The following TTF1 variants were observed in gnomAD, a reference collection of about 807,000 sequenced individuals.
The protein encoded by TTF1 is transcription termination factor 1, also known as transcription termination factor, RNA polymerase I.
A neutral mutation model predicts 80.2 loss-of-function variants in TTF1; 64 were observed. The ratio of observed to expected loss-of-function variants is 0.80; its 90% CI spans 0.65 to 0.98. The LOEUF (loss-of-function observed/expected upper bound fraction) is 0.98, where lower values mean the gene tolerates loss of function less well. Among genes scored for constraint, TTF1 ranks in the 50% least tolerant of loss-of-function variants. The probability of loss-of-function intolerance (pLI) is 0.00; values close to 1 mark genes in which losing one functional copy is unlikely to be tolerated. For synonymous variants in TTF1, 372 were observed against 382.7 expected, an observed-to-expected ratio of 0.97 and a Z score of 0.33; for missense variants, 1,023 against 1,086.2, an observed-to-expected ratio of 0.94 and a Z score of 0.82.
rs115471853 is a variant in TTF1 at position 132,379,002 on chromosome 9, C to A, written c.2464+57G>T. The A allele has an allele frequency of 7.1e-4, 968 of 1,368,740 alleles. 8 individuals are homozygous for A. The African/African-American group carries it at 0.013, about 18-fold the overall frequency. The allele number at this position is 1,368,740 out of a possible 1,614,324, so 84.8% of individuals were successfully genotyped here. A position where few individuals can be genotyped will look rare whatever the true frequency, so the allele number is the denominator to read the frequency against. On this transcript the variant is annotated intron_variant, in intron 10 of 10. Transcript: ENST00000334270. ...TCACCTGCCTAGGTGACTTTCATTACCAGCATGTGGCACCAAATGCCATGT... is the reference window on the plus strand; with the variant it reads ...TCACCTGCCTAGGTGACTTTCATTAACAGCATGTGGCACCAAATGCCATGT...
Position 132,402,571 on chromosome 9 carries a change from T to C in TTF1, c.251A>G (p.Lys84Arg), listed in dbSNP as rs761554875. 1 of 1,614,226 alleles carries C rather than the reference T, an allele frequency of 6.2e-7. No individual in the cohort carries two copies. The highest frequency in any genetic ancestry group is 8.5e-7 in the Non-Finnish European group (1 of 1,180,050). The change falls in exon 2 of 11, where the codon AAA (lysine) becomes AGA (arginine). Residue 84 changes from lysine to arginine, a missense_variant. Coordinates refer to ENST00000334270, the MANE Select transcript of TTF1 (RefSeq NM_007344.4). ...DETANATSTL[K>R]KRKKRRYSAL... is the part of the protein sequence containing the mutation. ...ACTATATCTTCTCTTTTTTCTCTTT[T>C]TGAGTGTGGAAGTGGCATTTGCAGT...
chr9:132,378,122 TGCATGTGGTGTGTGTGAGTGCATGTG>T (rs1849271142), intron 10 of TTF1, among the ~76,000 whole-genome samples: 3 of 94,156 alleles, frequency 3.2e-5, no homozygotes, highest in South Asian at 3.1e-4. Context: ...TGTGAGTGCA[TGCATGTGGTGTGTGTGAGTGCATGTG>T]GTGTGTGTGA....
At chr9:132,385,339 T>C (rs1849441900) in intron 9 of TTF1, among the ~76,000 whole-genome samples, 1 of 152,152 alleles carries the variant, frequency 6.6e-6, no homozygotes, top group South Asian at 2.1e-4. Flanking sequence ...AACCAGAGAA[T>C]TGCTAGTGTT....
chr9:132,404,875 C>T (rs1015389916), intron 1 of TTF1, among the ~76,000 whole-genome samples: 8 of 152,002 alleles, frequency 5.3e-5, no homozygotes, highest in East Asian at 3.9e-4. Flanking sequence ...AGAGCAAAGC[C>T]GATTATTTCT....
intron 6 of TTF1, 54 bp from the exon 7 acceptor site, chr9:132,390,885 C>T: frequency 6.7e-7 from 1 of 1,497,052 alleles, no homozygotes. Context: ...CTTTCAAACA[C>T]AATATTAAAA....
chr9:132,379,908 A>G (rs1431330497), intron 9 of TTF1, among the ~76,000 whole-genome samples: 1 of 152,234 alleles, frequency 6.6e-6, no homozygotes, highest in African/African-American at 2.4e-5. Flanking sequence ...GAACATTAAA[A>G]AACAATTAAC....
In TTF1 at chr9:132,391,337, C is replaced by T. The variant is rs539410884; in HGVS notation, c.1988-506G>A. ...AGTATCAACGGTTCACCCTTCTTCA[C>T]TAGAGACATTCACGGTCACGCTAAG... On this transcript the variant is annotated intron_variant, in intron 6 of 10. Transcript: ENST00000334270. Among the ~76,000 whole-genome samples, 16 of 152,300 alleles carry T rather than the reference C, an allele frequency of 1.1e-4. 1 individual carries two copies. In the South Asian group the frequency reaches 3.1e-3, roughly 30 times the overall value.
rs766541605 is a variant in TTF1, at chr9:132,401,465, C to T, written c.1357G>A (p.Glu453Lys). The T allele has an allele frequency of 1.8e-5, 29 of 1,609,810 alleles. 1 individual carries two copies. In the Middle Eastern group the frequency reaches 4.0e-3, roughly 220 times the overall value. The change falls in exon 2 of 11, where the codon GAG (glutamate) becomes AAG (lysine). Residue 453 changes from glutamate (E) to lysine (K), a missense_variant. By Grantham distance (56) the Glu-to-Lys change is moderately conservative. Coordinates refer to ENST00000334270, the MANE Select transcript of TTF1 (RefSeq NM_007344.4). ...CCACTCCCTCGTTACCTTGGCGCCT[C>T]TTGCACGTGCTTGCTTGCCAAACAG... ...QACLASKHVQ[E>K]APRLEPANEE...
In TTF1 at chr9:132,396,448, T is replaced by C. The variant is rs1564188737; in HGVS notation, c.1841A>G (p.Asn614Ser). ...TTTTTCTTACCTGCCTTTGTAATTGTTGACATCGAACATCTTCTTTGCTCG... is the reference window on the plus strand; with the variant it reads ...TTTTTCTTACCTGCCTTTGTAATTGCTGACATCGAACATCTTCTTTGCTCG... ...YYRAKKMFDV[N>S]NYKGRYSEGD... Residue 614 changes from asparagine to serine, a missense_variant, in exon 5 of 11, where the codon AAC becomes AGC. Physicochemically the swap from Asn to Ser is conservative, Grantham distance 46. Coordinates refer to ENST00000334270, the MANE Select transcript of TTF1 (RefSeq NM_007344.4). 1 of 1,614,236 alleles carries C rather than the reference T, an allele frequency of 6.2e-7. No individual in the cohort carries two copies.
intron 10 of TTF1, among the ~76,000 whole-genome samples, chr9:132,377,654 T>TGTGTGTGAGTGCACGTG (rs1589813613): frequency 1.6e-4 from 1 of 6,346 alleles, no homozygotes; most frequent in East Asian, 5.2e-3. Flanking sequence ...ATGCATGTGG[T>TGTGTGTGAGTGCACGTG]GTGTGTGAGT....
In TTF1 at chr9:132,401,970, A is replaced by G. The variant is rs761159384; in HGVS notation, c.852T>C (p.Asn284=). Residue 284 remains asparagine, a synonymous_variant, in exon 2 of 11, where the codon AAT becomes AAC. Transcript: ENST00000334270. ...TGGCCAATGCCTCAAATTCCTGGTG[A>G]TTGGACTTTTTCTTCTTTTTTTTCT... ...KSKKKKKKKS[N]HQEFEALAMP... The G allele has an allele frequency of 1.2e-6, 2 of 1,613,774 alleles. No individual in the cohort carries two copies. Among genetic ancestry groups the G allele is most frequent in the Non-Finnish European group, 1.7e-6 (2 of 1,179,952 alleles).
At chr9:132,404,946 C>G (rs911111100) in intron 1 of TTF1, among the ~76,000 whole-genome samples, 1 of 151,828 alleles carries the variant, frequency 6.6e-6, no homozygotes, top group African/African-American at 2.4e-5. Flanking sequence ...AGTGCAGTGG[C>G]GTGATCTCAG....
Position 132,400,095 on chromosome 9 carries a change from T to C in TTF1, c.1531A>G (p.Ser511Gly). The change falls in exon 3 of 11, where the codon AGC becomes GGC. Residue 511 changes from serine (S) to glycine (G), a missense_variant. Physicochemically the swap from Ser to Gly is moderately conservative, Grantham distance 56 (BLOSUM62 0). Coordinates refer to ENST00000334270, the MANE Select transcript of TTF1 (RefSeq NM_007344.4). The part of the protein sequence containing the change: ...FIPNIKDRAT[S>G]TIKRMYRDDL... Reference sequence around the variant, plus strand: ...TCCCGGTACATCCGCTTGATTGTGCTGGTGGCCCTGTCCTTGATGTTAGGA... The same window carrying C: ...TCCCGGTACATCCGCTTGATTGTGCCGGTGGCCCTGTCCTTGATGTTAGGA... 1 of 1,614,216 alleles carries C rather than the reference T, an allele frequency of 6.2e-7. No individual in the cohort carries two copies. Among genetic ancestry groups the C allele is most frequent in the South Asian group, 1.1e-5 (1 of 91,090 alleles).
intron 2 of TTF1, 57 bp from the exon 3 acceptor site, chr9:132,400,315 T>A: frequency 1.4e-6 from 2 of 1,458,362 alleles, no homozygotes; most frequent in Non-Finnish European, 1.9e-6. Context: ...ACCTCATAAC[T>A]TTAAAATTTT....
At chr9:132,399,221 A>G (rs1849715005) in intron 3 of TTF1, among the ~76,000 whole-genome samples, 1 of 151,414 alleles carries the variant, frequency 6.6e-6, no homozygotes, top group Non-Finnish European at 1.5e-5. Context: ...AAAAGAAAAA[A>G]AAAAAAGTCT....
intron 4 of TTF1, among the ~76,000 whole-genome samples, chr9:132,397,765 T>C (rs920973858): frequency 6.6e-6 from 1 of 152,102 alleles, no homozygotes; most frequent in Non-Finnish European, 1.5e-5. Context: ...GGCAGGCGGA[T>C]CACGAGGTCA....
intron 5 of TTF1, among the ~76,000 whole-genome samples, chr9:132,394,994 C>T (rs924311512): frequency 6.6e-6 from 1 of 151,808 alleles, no homozygotes; most frequent in African/African-American, 2.4e-5. Flanking sequence ...GAGTTCCAGA[C>T]CAGTCTGACC....
rs1849780262 is a variant in TTF1 at position 132,402,256 on chromosome 9, T to C, written c.566A>G (p.Gln189Arg). ...GGACTCCTCCTGGTGGGATTCTGAC[T>C]GAGGCAGGGTGTCCCTTGCCCGCTG... ...ESQRARDTLP[Q>R]SESHQEESWL... Residue 189 changes from glutamine (Q) to arginine (R), a missense_variant, in exon 2 of 11, where the codon CAG (glutamine) becomes CGG (arginine). Gln to Arg is a conservative substitution (Grantham distance 43). Coordinates refer to ENST00000334270, the MANE Select transcript of TTF1 (RefSeq NM_007344.4). 1 of 1,614,162 alleles carries C rather than the reference T, an allele frequency of 6.2e-7. No individual in the cohort carries two copies. Among genetic ancestry groups the C allele is most frequent in the Non-Finnish European group, 8.5e-7 (1 of 1,180,014 alleles).
In TTF1 at chr9:132,406,222, A is replaced by T. The variant is rs1025445230; in HGVS notation, c.-8+568T>A. Reference sequence around the variant, plus strand: ...TCACCGCCTTTGGGGTGCGAGAGAGACCCCGCTCTGCTCCCGGGTGGGCGC... The same window carrying T: ...TCACCGCCTTTGGGGTGCGAGAGAGTCCCCGCTCTGCTCCCGGGTGGGCGC... On this transcript the variant is annotated intron_variant, in intron 1 of 10. Transcript: ENST00000334270. 2.6e-5 allele frequency among the ~76,000 whole-genome samples: 4 copies of T among 151,492 alleles called. No homozygotes were observed. The East Asian group carries it at 7.7e-4, about 29-fold the overall frequency.
Sources: gnomAD v4.1 joint callset for allele counts (sites outside exome capture counted in the v4.1 genomes callset) on GRCh38, gnomAD v4.1.1 for gene constraint, MANE v1.5 for transcripts, NCBI Gene and HGNC (gene_info 2026-07-23, HGNC 2026-07-21) for gene names.